WDFY1: variants seen among roughly 807,000 people sequenced by gnomAD.
WDFY1 encodes WD repeat and FYVE domain containing 1, also known as WD repeat and FYVE domain-containing protein 1.
In WDFY1, 32 loss-of-function variants were observed where a neutral mutation model predicts 56.4. That is an observed-to-expected ratio of 0.57 (90% CI 0.43 to 0.76). WDFY1 has a LOEUF of 0.76. Ranked by LOEUF, WDFY1 falls within the 30% of genes least tolerant of loss-of-function variation. The pLI is 0.00. For synonymous variants in WDFY1, 192 were observed against 197.3 expected, an observed-to-expected ratio of 0.97 and a Z score of 0.23; for missense variants, 480 against 545.7, an observed-to-expected ratio of 0.88 and a Z score of 1.20.
intron 3 of WDFY1, among the ~76,000 whole-genome samples, chr2:223,908,670 G>A (rs1189607252): frequency 6.6e-6 from 1 of 152,056 alleles, no homozygotes; most frequent in Non-Finnish European, 1.5e-5. Context: ...GGCAGCCACC[G>A]TTGTAGTTTC....
At chr2:223,895,720 G>C in intron 6 of WDFY1, 90 bp from the exon 7 acceptor site, 2 of 1,533,538 alleles carry the variant, frequency 1.3e-6, no homozygotes, top group South Asian at 2.4e-5. Flanking sequence ...GACAGCTGAA[G>C]ACCAAACTAG....
intron 8 of WDFY1, among the ~76,000 whole-genome samples, chr2:223,887,750 A>G (rs969952240): frequency 1.3e-4 from 20 of 152,172 alleles, no homozygotes; most frequent in Admixed American, 1.0e-3. Context: ...TAAATTTTCT[A>G]TTTTTCTTGA....
At chr2:223,926,789 T>A (rs1018473669) in intron 1 of WDFY1, among the ~76,000 whole-genome samples, 7 of 152,132 alleles carry the variant, frequency 4.6e-5, no homozygotes, top group Admixed American at 2.0e-4. Flanking sequence ...TGCTTCAGCC[T>A]CCTGAGCAGC....
intron 1 of WDFY1, among the ~76,000 whole-genome samples, chr2:223,933,961 C>CAA (rs368902455): frequency 0.019 from 966 of 51,006 alleles, 122 homozygotes; most frequent in African/African-American, 0.071. Flanking sequence ...GACCCTGCCT[C>CAA]AAAAAAAAAA....
chr2:223,897,947 G>A (rs74662400), intron 6 of WDFY1, among the ~76,000 whole-genome samples: 1,994 of 152,150 alleles, frequency 0.013, 41 homozygotes, highest in African/African-American at 0.044. Context: ...GAAGCATGCC[G>A]GCACCATGCT....
Position 223,920,758 on chromosome 2 carries a change from C to T in WDFY1, c.138-2748G>A, listed in dbSNP as rs148864160. On this transcript the variant is annotated intron_variant, in intron 1 of 11. Transcript: ENST00000233055. ...GAAAAATGGAGTTTGGCCCTTGCCT[C>T]AGTGGATGCATCCCTCCTCAAGGGA... Among the ~76,000 whole-genome samples, 4 of 152,324 alleles carry T rather than the reference C, an allele frequency of 2.6e-5. 1 individual carries two copies. In the East Asian group the frequency reaches 7.7e-4, roughly 29 times the overall value.
chr2:223,901,178 G>C lies in WDFY1; in HGVS notation c.485+5C>G. 6.2e-7 allele frequency: 1 copy of C among 1,612,620 alleles called. No individual in the cohort carries two copies. Among genetic ancestry groups the C allele is most frequent in the Non-Finnish European group, 8.5e-7 (1 of 1,179,214 alleles). ...GAAGGAGAGGTCCGTGGCTCTGAAG[G>C]ATACTGCAGACACGAAGCCCAGGAC... On this transcript the variant is annotated splice_donor_5th_base_variant and intron_variant, in intron 5 of 11. Coordinates refer to ENST00000233055, the MANE Select transcript of WDFY1 (RefSeq NM_020830.5).
intron 3 of WDFY1, among the ~76,000 whole-genome samples, chr2:223,907,326 G>T (rs978566527): frequency 5.3e-5 from 8 of 152,106 alleles, no homozygotes; most frequent in African/African-American, 1.9e-4. Flanking sequence ...ATTATGAATT[G>T]CTGACAGACC....
chr2:223,905,593 T>C (rs1326139737), intron 4 of WDFY1, among the ~76,000 whole-genome samples: 1 of 152,020 alleles, frequency 6.6e-6, no homozygotes, highest in African/African-American at 2.4e-5. Flanking sequence ...ACTTATTCAA[T>C]ACACACACAC....
intron 2 of WDFY1, among the ~76,000 whole-genome samples, chr2:223,917,152 C>T (rs962937408): frequency 3.3e-5 from 5 of 152,116 alleles, no homozygotes; most frequent in Admixed American, 6.5e-5. Flanking sequence ...GAAGATTCAT[C>T]GTCCAGATTT....
chr2:223,905,561 C>CCA (rs770741569), intron 4 of WDFY1, among the ~76,000 whole-genome samples: 58 of 151,514 alleles, frequency 3.8e-4, no homozygotes, highest in Middle Eastern at 3.4e-3. Context: ...TGGAGAATAC[C>CCA]CACACACACA....
At chr2:223,923,311 T>A (rs1693920719) in intron 1 of WDFY1, among the ~76,000 whole-genome samples, 2 of 152,252 alleles carry the variant, frequency 1.3e-5, no homozygotes, top group South Asian at 4.1e-4. Flanking sequence ...CCAGAATATT[T>A]ACCAAATGGT....
At chr2:223,886,435 C>G (rs1015420854) in intron 8 of WDFY1, among the ~76,000 whole-genome samples, 4 of 151,318 alleles carry the variant, frequency 2.6e-5, no homozygotes, top group African/African-American at 9.7e-5. Context: ...CTGCTAAAAG[C>G]CTGTTTAGGC....
chr2:223,887,693 G>T (rs1693195203), intron 8 of WDFY1, among the ~76,000 whole-genome samples: 2 of 152,006 alleles, frequency 1.3e-5, no homozygotes, highest in African/African-American at 4.8e-5. Flanking sequence ...AAACTTTACT[G>T]GTCTGGAATT....
intron 1 of WDFY1, among the ~76,000 whole-genome samples, chr2:223,937,719 C>G (rs1380256566): frequency 6.6e-6 from 1 of 152,210 alleles, no homozygotes; most frequent in Admixed American, 6.5e-5. Context: ...CCTAACAATA[C>G]AGGAGTAAAT....
chr2:223,879,304 A>T (rs996780553), intron 11 of WDFY1, among the ~76,000 whole-genome samples: 1 of 152,178 alleles, frequency 6.6e-6, no homozygotes, highest in Non-Finnish European at 1.5e-5. Flanking sequence ...GTATAAATTC[A>T]ATTTTTTTTT....
At chr2:223,934,088 T>TG (rs1694127867) in intron 1 of WDFY1, among the ~76,000 whole-genome samples, 1 of 27,480 alleles carries the variant, frequency 3.6e-5, no homozygotes, top group East Asian at 5.3e-4. Flanking sequence ...TTTCTTTTTT[T>TG]TTTTTTTTTT....
chr2:223,929,290 C>G (rs1329253775), intron 1 of WDFY1, among the ~76,000 whole-genome samples: 1 of 150,450 alleles, frequency 6.6e-6, no homozygotes, highest in African/African-American at 2.5e-5. Flanking sequence ...CGGGTTCAAG[C>G]GATTCTCCTG....
At chr2:223,903,468 A>G (rs1693538628) in intron 4 of WDFY1, among the ~76,000 whole-genome samples, 1 of 151,790 alleles carries the variant, frequency 6.6e-6, no homozygotes, top group East Asian at 1.9e-4. Context: ...GGTTGCAGTG[A>G]GCCAAGATCG....
Sources: allele counts gnomAD v4.1 joint callset (sites outside exome capture counted in the v4.1 genomes callset), GRCh38; gene constraint gnomAD v4.1.1; transcripts MANE v1.5; gene names NCBI Gene and HGNC (gene_info 2026-07-23, HGNC 2026-07-21).